CEACAM19: variants seen among roughly 807,000 people sequenced by gnomAD.
The protein encoded by CEACAM19 is cell adhesion molecule CEACAM19.
Under a neutral mutation model 37.6 loss-of-function variants are expected in CEACAM19, and 37 were observed. The ratio of observed to expected loss-of-function variants is 0.98; its 90% CI spans 0.76 to 1.29. The LOEUF (loss-of-function observed/expected upper bound fraction) is 1.29. Ranked by LOEUF, CEACAM19 falls within the 50% of genes most tolerant of loss-of-function variation. The probability of loss-of-function intolerance (pLI) is 0.00; values close to 1 mark genes in which losing one functional copy is unlikely to be tolerated. For synonymous variants in CEACAM19, 140 were observed against 149.8 expected (o/e 0.93, Z 0.48); for missense variants, 340 against 375.6 (o/e 0.91, Z 0.78).
Position 44,671,867 on chromosome 19 carries a change from G to T in CEACAM19, c.-65G>T. 2 of 1,457,830 alleles carry T rather than the reference G, an allele frequency of 1.4e-6. No homozygotes were observed. Among genetic ancestry groups the T allele is most frequent in the Admixed American group, 3.8e-5 (2 of 52,100 alleles). The allele number at this position is 1,457,830 out of a possible 1,614,324, so 90.3% of individuals were successfully genotyped here. A position where few individuals can be genotyped will look rare whatever the true frequency, so the allele number is the denominator to read the frequency against. On this transcript the variant is annotated 5_prime_UTR_variant, in exon 1 of 8. Transcript: ENST00000358777. ...AGCTGGCCTACTTCAGACAGCCAGG[G>T]CCCACCCCTCTGGCCCCCTTAGTGT...
At chr19:44,673,291 A>G (rs1051770008) in intron 2 of CEACAM19, among the ~76,000 whole-genome samples, 4 of 152,166 alleles carry the variant, frequency 2.6e-5, no homozygotes, top group Non-Finnish European at 5.9e-5. Flanking sequence ...CTCAATCTTT[A>G]TGTTTATAAA....
intron 2 of CEACAM19, among the ~76,000 whole-genome samples, chr19:44,675,202 C>G (rs1973926559): frequency 6.7e-6 from 1 of 149,822 alleles, no homozygotes; most frequent in African/African-American, 2.5e-5. Flanking sequence ...ACAGACGAAC[C>G]AAGTCACAGA....
upstream of CEACAM19, among the ~76,000 whole-genome samples, chr19:44,667,549 TTATATGTATATG>T (rs1568511744): frequency 8.1e-6 from 1 of 123,866 alleles, no homozygotes; most frequent in African/African-American, 3.1e-5. Flanking sequence ...TACATATATT[TTATATGTATATG>T]TAATATATAT....
At chr19:44,678,462 A>G (rs2122142359) in intron 3 of CEACAM19, 1 of 159,618 alleles carries the variant, frequency 6.3e-6, no homozygotes, top group Non-Finnish European at 1.4e-5. Context: ...CCAGGCTGGA[A>G]TCCAGTGGCG....
intron 1 of CEACAM19, 29 bp from the exon 2 acceptor site, chr19:44,672,567 T>A: frequency 1.4e-6 from 2 of 1,459,688 alleles, no homozygotes; most frequent in East Asian, 2.5e-5. Flanking sequence ...ACACCCCTGA[T>A]CTCAGCCCTT....
rs58182330 is a variant in CEACAM19 at position 44,675,793 on chromosome 19, G to GA, written c.425-467dup. On this transcript the variant is annotated intron_variant, in intron 2 of 7. Transcript: ENST00000358777. ...AGAGTGAGACGCTGTTTCAAAAAAA[G>GA]AAAAAAAAAAATCAGTTTGATGGGG... is the stretch of plus-strand genomic sequence containing the variant. Among the ~76,000 whole-genome samples the GA allele has an allele frequency of 2.9e-3, 418 of 143,054 alleles. 1 individual carries two copies. Among genetic ancestry groups the GA allele is most frequent in the African/African-American group, 8.9e-3 (354 of 39,556 alleles). 93.8% of individuals were successfully genotyped at this position (143,054 alleles called of 152,430 possible).
chr19:44,681,232 A>C lies in CEACAM19; in HGVS notation c.712A>C (p.Asn238His). 6.2e-7 allele frequency: 1 copy of C among 1,613,820 alleles called. No individual in the cohort carries two copies. The highest frequency in any genetic ancestry group is 8.5e-7 in the Non-Finnish European group (1 of 1,179,824). ...ELGPAHDAGD[N>H]NIYEVMPSPV... ...TCCCCTGGCCTCTGTTTCAGGTGACAACAACATCTATGAAGTGATGCCCTC... is the reference window on the plus strand; with the variant it reads ...TCCCCTGGCCTCTGTTTCAGGTGACCACAACATCTATGAAGTGATGCCCTC... The change falls in exon 6 of 8, where the codon AAC (asparagine) becomes CAC (histidine). Residue 238 changes from asparagine to histidine, a missense_variant. Asn to His is a moderately conservative substitution (Grantham distance 68). Transcript: ENST00000358777.
At chr19:44,677,712 CAG>C (rs970023392) in intron 3 of CEACAM19, 9 of 150,512 alleles carry the variant, frequency 6.0e-5, no homozygotes, top group African/African-American at 2.2e-4. Flanking sequence ...TTTTTTGAGA[CAG>C]AGTCTTGCTG....
intron 5 of CEACAM19, among the ~76,000 whole-genome samples, 176 bp downstream of exon 5, chr19:44,680,510 C>T (rs1193780561): frequency 6.6e-6 from 1 of 151,906 alleles, no homozygotes; most frequent in East Asian, 1.9e-4. Context: ...TCGGCACCCA[C>T]CCCAAACCTG....
upstream of CEACAM19, among the ~76,000 whole-genome samples, chr19:44,670,322 TAAAA>T (rs78422289): frequency 7.9e-6 from 1 of 127,176 alleles, no homozygotes. Context: ...GACCCTGTCT[TAAAA>T]AAAAAAAAAA....
intron 2 of CEACAM19, 96 bp from the exon 3 acceptor site, chr19:44,676,175 T>A: frequency 7.9e-7 from 1 of 1,268,316 alleles, no homozygotes; most frequent in Non-Finnish European, 1.1e-6. Context: ...ACCTCAGTTC[T>A]CCATGCAGTC....
rs778124151 is a variant in CEACAM19, at chr19:44,678,834, C to T, written c.576-19C>T. On this transcript the variant is annotated intron_variant, in intron 3 of 7. Transcript: ENST00000358777. Reference sequence around the variant, plus strand: ...TCAATGCTTTATTCCAATTTTCTTCCCCTCTCTTTCCACCCTAGACTGCCT... The same window carrying T: ...TCAATGCTTTATTCCAATTTTCTTCTCCTCTCTTTCCACCCTAGACTGCCT... 166 of 1,611,084 alleles carry T rather than the reference C, an allele frequency of 1.0e-4. No homozygotes were observed. Among genetic ancestry groups the T allele is most frequent in the Non-Finnish European group, 1.4e-4 (163 of 1,178,820 alleles).
At chr19:44,678,366 A>T (rs2122142078) in intron 3 of CEACAM19, 1 of 152,276 alleles carries the variant, frequency 6.6e-6, no homozygotes. Context: ...CCATCCTCCC[A>T]TCTCAGCCCC....
chr19:44,666,281 T>G (rs1973713154), intron 1 of CEACAM19: 1 of 152,104 alleles, frequency 6.6e-6, no homozygotes, highest in African/African-American at 2.4e-5. Context: ...AAATCCAGAA[T>G]AGCTGGCTTT....
In CEACAM19 at chr19:44,672,640, C is replaced by G; in HGVS notation, c.100C>G (p.Leu34Val). The G allele has an allele frequency of 1.3e-6, 2 of 1,503,400 alleles. No homozygotes were observed. Among genetic ancestry groups the G allele is most frequent in the South Asian group, 1.4e-5 (1 of 72,820 alleles). The allele number at this position is 1,503,400 out of a possible 1,614,324, so 93.1% of individuals were successfully genotyped here. ...GATGCTCCAAGGCTCCCAGGCAGCT[C>G]TCTACATCCAGAAGATTCCAGAGCA... is the stretch of plus-strand genomic sequence containing the variant. The part of the protein sequence containing the change: ...LWMLQGSQAA[L>V]YIQKIPEQPQ... The change falls in exon 2 of 8, where the codon CTC becomes GTC. Residue 34 changes from leucine to valine, a missense_variant. Transcript: ENST00000358777.
intron 3 of CEACAM19, 136 bp from the exon 4 acceptor site, chr19:44,678,717 T>G: frequency 7.8e-7 from 1 of 1,287,930 alleles, no homozygotes; most frequent in Non-Finnish European, 1.0e-6. Context: ...AATTACTATT[T>G]TTTTACTCAA....
chr19:44,666,687 T>A (rs146059726), upstream of CEACAM19, among the ~76,000 whole-genome samples: 763 of 152,096 alleles, frequency 5.0e-3, 4 homozygotes, highest in Middle Eastern at 0.01. Flanking sequence ...CTGAGGGTAC[T>A]CTGACCCCAC....
At chr19:44,666,406 C>T (rs575274836) in intron 1 of CEACAM19, among the ~76,000 whole-genome samples, 10 of 152,324 alleles carry the variant, frequency 6.6e-5, no homozygotes, top group African/African-American at 2.2e-4. Context: ...CAGTGGCTCA[C>T]GCCTGTAATC....
intron 4 of CEACAM19, among the ~76,000 whole-genome samples, chr19:44,679,182 G>A (rs552676174): frequency 1.3e-5 from 2 of 152,156 alleles, no homozygotes; most frequent in East Asian, 1.9e-4. Flanking sequence ...TTGTAGAGAC[G>A]GGATCTCACT....
Sources: gnomAD v4.1 joint callset for allele counts (sites outside exome capture counted in the v4.1 genomes callset) on GRCh38, gnomAD v4.1.1 for gene constraint, MANE v1.5 for transcripts, NCBI Gene and HGNC (gene_info 2026-07-23, HGNC 2026-07-21) for gene names.